The following ANO4 variants were observed in gnomAD, a reference collection of about 807,000 sequenced individuals.
The protein encoded by ANO4 is anoctamin 4.
Under a neutral mutation model 141.9 loss-of-function variants are expected in ANO4, and 69 were observed. The ratio of observed to expected loss-of-function variants is 0.49; its 90% CI spans 0.40 to 0.59. The LOEUF (loss-of-function observed/expected upper bound fraction) is 0.59. Ranked by LOEUF, ANO4 falls within the 20% of genes least tolerant of loss-of-function variation. The pLI, the probability that ANO4 is intolerant of heterozygous loss-of-function variation, is 0.00. For missense variants in ANO4, 894 were observed against 1,162.2 expected (o/e 0.77, Z 3.36); for synonymous variants, 350 against 394.3 (o/e 0.89, Z 1.33).
chr12:101,027,459 A>C (rs897420404), intron 9 of ANO4, among the ~76,000 whole-genome samples: 2 of 152,184 alleles, frequency 1.3e-5, no homozygotes, highest in Admixed American at 1.3e-4. Flanking sequence ...TGATAAGCTA[A>C]GCTCTCTGTG....
At chr12:101,092,371 C>T (rs1458211679) in intron 17 of ANO4, among the ~76,000 whole-genome samples, 1 of 152,178 alleles carries the variant, frequency 6.6e-6, no homozygotes, top group African/African-American at 2.4e-5. Flanking sequence ...CTGCCGGTTA[C>T]AGATATTCAC....
chr12:100,893,743 C>T (rs770071941), intron 1 of ANO4, among the ~76,000 whole-genome samples: 5 of 152,072 alleles, frequency 3.3e-5, no homozygotes, highest in South Asian at 2.1e-4. Context: ...TTATGAATTA[C>T]GAATCAGGGG....
At chr12:101,108,213 C>CAGGAGAAAAATAAAACCAAGGT (rs2050524258) in intron 22 of ANO4, among the ~76,000 whole-genome samples, 1 of 151,942 alleles carries the variant, frequency 6.6e-6, no homozygotes, top group South Asian at 2.1e-4. Context: ...AGAGAGAAGG[C>CAGGAGAAAAATAAAACCAAGGT]AGGAGAAAAA....
intron 1 of ANO4, among the ~76,000 whole-genome samples, chr12:100,900,877 G>A (rs1480942756): frequency 1.3e-5 from 2 of 152,126 alleles, no homozygotes; most frequent in Admixed American, 6.5e-5. Context: ...TCTGAGTAAC[G>A]AATTGGTATC....
intron 1 of ANO4, among the ~76,000 whole-genome samples, chr12:100,891,289 G>A (rs577058602): frequency 6.6e-5 from 10 of 152,284 alleles, no homozygotes; most frequent in Non-Finnish European, 8.8e-5. Flanking sequence ...ACATTCATGC[G>A]CAGGTTTCTG....
At chr12:100,929,715 T>G (rs1274570340) in intron 3 of ANO4, among the ~76,000 whole-genome samples, 4 of 152,176 alleles carry the variant, frequency 2.6e-5, no homozygotes, top group Non-Finnish European at 5.9e-5. Flanking sequence ...GTTGTACTGA[T>G]TTACATTCCC....
intron 8 of ANO4, among the ~76,000 whole-genome samples, chr12:101,001,531 A>G (rs914765463): frequency 1.3e-5 from 2 of 152,342 alleles, no homozygotes; most frequent in East Asian, 3.9e-4. Context: ...TTACCCAGTA[A>G]CAAATAGACT....
At chr12:100,729,389 A>AAAAAAAAT (rs2031288177) in intron 1 of ANO4, among the ~76,000 whole-genome samples, 1 of 149,368 alleles carries the variant, frequency 6.7e-6, no homozygotes, top group African/African-American at 2.5e-5. Context: ...AAAAAAAAAA[A>AAAAAAAAT]AGGTAACACT....
intron 1 of ANO4, among the ~76,000 whole-genome samples, chr12:100,900,550 T>C (rs1057158175): frequency 1.3e-5 from 2 of 150,034 alleles, no homozygotes; most frequent in South Asian, 4.2e-4. Context: ...GAACATGCAG[T>C]GTTTGGGTTT....
At chr12:100,868,504 A>T (rs1370772460) in intron 1 of ANO4, among the ~76,000 whole-genome samples, 1 of 152,090 alleles carries the variant, frequency 6.6e-6, no homozygotes, top group Non-Finnish European at 1.5e-5. Context: ...GGTTTGTTTC[A>T]TTTACCTTAT....
intron 14 of ANO4, among the ~76,000 whole-genome samples, chr12:101,051,795 A>C (rs1290710738): frequency 2.0e-5 from 3 of 152,230 alleles, no homozygotes; most frequent in Non-Finnish European, 4.4e-5. Flanking sequence ...TGCTAGAATC[A>C]GGTATTGTTT....
At chr12:100,871,828 C>G (rs1780262981) in intron 1 of ANO4, among the ~76,000 whole-genome samples, 1 of 152,126 alleles carries the variant, frequency 6.6e-6, no homozygotes, top group South Asian at 2.1e-4. Flanking sequence ...GGTGGGGGCT[C>G]TGCACTCATG....
At position 100,942,459 on chromosome 12, in the gene ANO4, A is replaced by C; in HGVS notation, c.380A>C (p.Lys127Thr). The change falls in exon 5 of 28, where the codon AAA (lysine) becomes ACA (threonine). Residue 127 changes from lysine to threonine, a missense_variant. Physicochemically the swap from Lys to Thr is moderately conservative, Grantham distance 78 (BLOSUM62 -1). Coordinates refer to ENST00000392977, the MANE Select transcript of ANO4 (RefSeq NM_001286615.2). ...CRIDYILVYR[K>T]SNPQTEKREV... ...ATTGACTACATCCTTGTGTACAGAA[A>C]ATCCAACCCCCAGACTGAAAAGAGA... 1 of 1,614,142 alleles carries C rather than the reference A, an allele frequency of 6.2e-7. No individual in the cohort carries two copies. The highest frequency in any genetic ancestry group is 8.5e-7 in the Non-Finnish European group (1 of 1,179,996).
intron 3 of ANO4, among the ~76,000 whole-genome samples, chr12:100,785,072 T>C (rs765250222): frequency 9.9e-5 from 15 of 152,078 alleles, no homozygotes; most frequent in Admixed American, 2.0e-4. Context: ...GGAAATTCAG[T>C]TTTGTTGTAT....
At chr12:100,993,043 G>T in intron 8 of ANO4, among the ~76,000 whole-genome samples, 2 of 151,986 alleles carry the variant, frequency 1.3e-5, no homozygotes. Context: ...TTTAAAACTA[G>T]CAGGGCGTGG....
intron 1 of ANO4, among the ~76,000 whole-genome samples, chr12:100,866,458 A>G (rs1423479671): frequency 6.6e-6 from 1 of 152,020 alleles, no homozygotes; most frequent in Non-Finnish European, 1.5e-5. Context: ...TCTCAGTGCC[A>G]CCCCTGCCCC....
Position 101,115,139 on chromosome 12 carries a change from A to AT in ANO4, c.2451-1538dup, listed in dbSNP as rs556259445. 1.4e-3 allele frequency among the ~76,000 whole-genome samples: 218 copies of AT among 152,292 alleles called. 1 individual carries two copies. Among genetic ancestry groups the AT allele is most frequent in the African/African-American group, 4.7e-3 (197 of 41,578 alleles). ...TTATTCATTCAATCAGTAATTACTT[A>AT]TTGACCCCCTGCTAGATGCAAGAAA... On this transcript the variant is annotated intron_variant, in intron 24 of 27. Transcript: ENST00000392977.
At chr12:100,954,443 C>T (rs1455048380) in intron 5 of ANO4, among the ~76,000 whole-genome samples, 1 of 152,312 alleles carries the variant, frequency 6.6e-6, no homozygotes, top group Non-Finnish European at 1.5e-5. Flanking sequence ...GAGAAACAGC[C>T]TCTCCTTTCC....
At chr12:101,097,605 C>G (rs767458458) in intron 19 of ANO4, 46 bp from the exon 20 acceptor site, 4 of 1,566,940 alleles carry the variant, frequency 2.6e-6, no homozygotes, top group East Asian at 2.2e-5. Flanking sequence ...TCGCTGAAAG[C>G]TTGGACCTAG....
Sources: allele counts gnomAD v4.1 joint callset (sites outside exome capture counted in the v4.1 genomes callset), GRCh38; gene constraint gnomAD v4.1.1; transcripts MANE v1.5; gene names NCBI Gene and HGNC (gene_info 2026-07-23, HGNC 2026-07-21).